NTM: variants seen among roughly 807,000 people sequenced by gnomAD.
NTM encodes the protein neurotrimin.
Under a neutral mutation model 42.1 loss-of-function variants are expected in NTM, and 13 were observed. The ratio of observed to expected loss-of-function variants is 0.31; its 90% CI spans 0.20 to 0.49. The LOEUF is 0.49. Among genes scored for constraint, NTM ranks in the 20% least tolerant of loss-of-function variants. The probability of loss-of-function intolerance (pLI) is 0.99; values close to 1 mark genes in which losing one functional copy is unlikely to be tolerated. For synonymous variants in NTM, 187 were observed against 179.2 expected, an observed-to-expected ratio of 1.04 and a Z score of -0.35; for missense variants, 373 against 452.8, an observed-to-expected ratio of 0.82 and a Z score of 1.60.
At chr11:131,658,533 A>G (rs951041852) in intron 1 of NTM, among the ~76,000 whole-genome samples, 3 of 152,172 alleles carry the variant, frequency 2.0e-5, no homozygotes, top group Non-Finnish European at 2.9e-5. Context: ...TTCAAGAGTA[A>G]TAGAGGATGC....
At chr11:131,469,604 T>G (rs970210445) in intron 1 of NTM, among the ~76,000 whole-genome samples, 1 of 152,176 alleles carries the variant, frequency 6.6e-6, no homozygotes, top group Non-Finnish European at 1.5e-5. Flanking sequence ...AGTCAGTTGC[T>G]AGGCAGCTGA....
intron 1 of NTM, among the ~76,000 whole-genome samples, chr11:131,751,635 C>T (rs1383000882): frequency 6.6e-6 from 1 of 151,708 alleles, no homozygotes; most frequent in Non-Finnish European, 1.5e-5. Flanking sequence ...TGGCATGTGC[C>T]AGTAGTCCTA....
At chr11:131,759,528 C>T (rs1418117734) in intron 1 of NTM, among the ~76,000 whole-genome samples, 1 of 151,960 alleles carries the variant, frequency 6.6e-6, no homozygotes, top group African/African-American at 2.4e-5. Flanking sequence ...TTTTTTTCAA[C>T]TCATTTGGAG....
chr11:132,070,924 A>G (rs2057520517), intron 2 of NTM, among the ~76,000 whole-genome samples: 1 of 142,746 alleles, frequency 7.0e-6, no homozygotes, highest in African/African-American at 2.6e-5. Context: ...GTTAGTTAAC[A>G]CGTCACACAG....
intron 2 of NTM, among the ~76,000 whole-genome samples, chr11:132,008,094 A>G (rs1593657860): frequency 6.6e-6 from 1 of 152,296 alleles, no homozygotes. Flanking sequence ...CAAATGAAGC[A>G]AGGCAAGAGG....
chr11:132,246,225 G>A (rs2091123382), intron 4 of NTM, among the ~76,000 whole-genome samples: 1 of 152,208 alleles, frequency 6.6e-6, no homozygotes, highest in Non-Finnish European at 1.5e-5. Context: ...TCCCGCACAG[G>A]TGGGACTCCT....
At chr11:131,794,975 A>T (rs1385903017) in intron 1 of NTM, 4 of 985,140 alleles carry the variant, frequency 4.1e-6, no homozygotes, top group Non-Finnish European at 4.8e-6. Context: ...TCCTCACTGG[A>T]GGGGCAGCCT....
At chr11:131,457,814 A>C (rs1290999422) in intron 1 of NTM, among the ~76,000 whole-genome samples, 3 of 152,096 alleles carry the variant, frequency 2.0e-5, no homozygotes, top group African/African-American at 7.2e-5. Flanking sequence ...ATGAAGATGG[A>C]GACCTCATGG....
At chr11:131,537,564 T>C (rs985885510) in intron 1 of NTM, 3 of 152,232 alleles carry the variant, frequency 2.0e-5, no homozygotes, top group African/African-American at 7.2e-5. Flanking sequence ...CATTTGCTGG[T>C]AATGGGAGTC....
Position 132,124,823 on chromosome 11 carries a change from A to T in NTM, c.168-21459A>T, listed in dbSNP as rs184403822. Among the ~76,000 whole-genome samples the T allele has an allele frequency of 3.9e-3, 588 of 152,136 alleles. 3 individuals carry two copies. The highest frequency in any genetic ancestry group is 0.013 in the African/African-American group (558 of 41,450). Reference sequence around the variant, plus strand: ...AACAAGACCCTGTCTCTACAAAAACAAAAAAACAACAACATAAAGAAAAAT... The same window carrying T: ...AACAAGACCCTGTCTCTACAAAAACTAAAAAACAACAACATAAAGAAAAAT... On this transcript the variant is annotated intron_variant, in intron 2 of 8. Coordinates refer to ENST00000683400, the MANE Select transcript of NTM (RefSeq NM_001352005.2).
At chr11:132,268,523 C>T (rs2093321072) in intron 4 of NTM, among the ~76,000 whole-genome samples, 1 of 151,928 alleles carries the variant, frequency 6.6e-6, no homozygotes, top group Admixed American at 6.6e-5. Flanking sequence ...GAAGAAGCTG[C>T]CCATATGTTT....
chr11:131,860,294 T>C (rs1441736225), intron 1 of NTM, among the ~76,000 whole-genome samples: 2 of 152,188 alleles, frequency 1.3e-5, no homozygotes, highest in Admixed American at 1.3e-4. Flanking sequence ...GCTTTATTCC[T>C]GTGCCATGGT....
At chr11:132,273,309 G>GTTTTTT (rs57877862) in intron 4 of NTM, among the ~76,000 whole-genome samples, 4 of 55,656 alleles carry the variant, frequency 7.2e-5, no homozygotes, top group Non-Finnish European at 5.8e-5. Flanking sequence ...GTTGACTAGT[G>GTTTTTT]TTTTTTTTTT....
chr11:131,577,776 G>A (rs1288415378), intron 1 of NTM, among the ~76,000 whole-genome samples: 1 of 152,148 alleles, frequency 6.6e-6, no homozygotes, highest in Non-Finnish European at 1.5e-5. Context: ...GTGCAGTATG[G>A]ATTAATAGTG....
rs367841607 is a variant in NTM, at chr11:132,197,160, G to A, written c.401-14862G>A. Among the ~76,000 whole-genome samples the A allele has an allele frequency of 1.7e-4, 26 of 152,254 alleles. No individual in the cohort carries two copies. The East Asian group carries it at 2.9e-3, about 17-fold the overall frequency. On this transcript the variant is annotated intron_variant, in intron 3 of 8. Coordinates refer to ENST00000683400, the MANE Select transcript of NTM (RefSeq NM_001352005.2). ...TAGAGTTTGACATTAAGGAGGAGTAGCCAGTAAGGTAAGTAGAGAATAAGG... is the reference window on the plus strand; with the variant it reads ...TAGAGTTTGACATTAAGGAGGAGTAACCAGTAAGGTAAGTAGAGAATAAGG...
At chr11:131,907,961 T>G (rs1399977240) in intron 1 of NTM, among the ~76,000 whole-genome samples, 1 of 152,250 alleles carries the variant, frequency 6.6e-6, no homozygotes. Context: ...GGATTTTGTC[T>G]TGTTAATTAT....
At position 132,205,859 on chromosome 11, in the gene NTM, C is replaced by T. The variant is rs908414364; in HGVS notation, c.401-6163C>T. 2.0e-5 allele frequency among the ~76,000 whole-genome samples: 3 copies of T among 152,160 alleles called. No homozygotes were observed. The East Asian group carries it at 5.8e-4, about 29-fold the overall frequency. On this transcript the variant is annotated intron_variant, in intron 3 of 8. Coordinates refer to ENST00000683400, the MANE Select transcript of NTM (RefSeq NM_001352005.2). ...AATAGTAATATTCTTCCTGGATGTC[C>T]CTCATCATCTCACCATCAGCAAGTC...
chr11:131,884,284 C>G (rs1289570748), intron 1 of NTM, among the ~76,000 whole-genome samples: 3 of 152,082 alleles, frequency 2.0e-5, no homozygotes, highest in East Asian at 1.9e-4. Context: ...TGGTGCATGC[C>G]TGTAATCCCA....
intron 1 of NTM, among the ~76,000 whole-genome samples, chr11:131,650,603 C>T (rs2066356955): frequency 6.6e-6 from 1 of 152,164 alleles, no homozygotes. Context: ...GTGCCTGGCT[C>T]ACAGAAAGTT....
Sources: allele counts gnomAD v4.1 joint callset (sites outside exome capture counted in the v4.1 genomes callset), GRCh38; gene constraint gnomAD v4.1.1; transcripts MANE v1.5; gene names NCBI Gene and HGNC (gene_info 2026-07-23, HGNC 2026-07-21).